MEG3: variants seen among roughly 807,000 people sequenced by gnomAD.
The protein encoded by MEG3 is maternally expressed 3.
intron 1 of MEG3, among the ~76,000 whole-genome samples, chr14:100,826,637 C>T (rs1488382786): frequency 6.6e-6 from 1 of 152,146 alleles, no homozygotes; most frequent in Non-Finnish European, 1.5e-5. Context: ...CTGCGTGCCC[C>T]ATGAATTAGG....
downstream of MEG3, chr14:100,830,517 C>T (rs1021404414): frequency 3.9e-5 from 6 of 152,174 alleles, no homozygotes; most frequent in African/African-American, 9.7e-5. Context: ...GCTCACATGT[C>T]CAGCCCAATT....
At chr14:100,829,063 C>T (rs11540028) in exon 3 of MEG3, 1 of 152,182 alleles carries the variant, frequency 6.6e-6, no homozygotes, top group African/African-American at 2.4e-5. Flanking sequence ...TTCCTGGATC[C>T]CACCAACATA....
rs2037889889 is a variant in MEG3, at chr14:100,845,418, GT to G, written n.3046-39del. ...GCCCTCCTCCTCCTCGCCGGCCTGAGTGAGGTTCTACTCTGTGACCTAGTGC... is the reference window on the plus strand; with the variant it reads ...GCCCTCCTCCTCCTCGCCGGCCTGAGGAGGTTCTACTCTGTGACCTAGTGC... On this transcript the variant is annotated intron_variant and non_coding_transcript_variant, in intron 2 of 3. Coordinates refer to the MEG3 transcript ENST00000398461. The surrounding 1 kb of genome is among the most constrained non-coding windows in gnomAD (Gnocchi z 5.2). 6.6e-6 allele frequency: 3 copies of G among 452,614 alleles called. No individual in the cohort carries two copies. Among genetic ancestry groups the G allele is most frequent in the African/African-American group, 6.0e-5 (3 of 49,900 alleles). 28.0% of individuals were successfully genotyped at this position (452,614 alleles called of 1,614,324 possible). A position where few individuals can be genotyped will look rare whatever the true frequency, so the allele number is the denominator to read the frequency against.
chr14:100,852,503 C>A, upstream of MEG3: 1 of 502,196 alleles, frequency 2.0e-6, no homozygotes, highest in South Asian at 1.5e-5. Context: ...CTTTCAGAAT[C>A]TGGGGCTCCA....
At chr14:100,839,610 C>T (rs1033099498) in intron 2 of MEG3, among the ~76,000 whole-genome samples, 12 of 152,146 alleles carry the variant, frequency 7.9e-5, no homozygotes, top group Admixed American at 3.3e-4. Context: ...AAAGGGGAGC[C>T]ACAGAACAGG....
downstream of MEG3, chr14:100,832,440 C>A (rs1177251798): frequency 1.3e-5 from 2 of 152,446 alleles, no homozygotes; most frequent in Non-Finnish European, 2.9e-5. Flanking sequence ...AAAAGGGCCT[C>A]CCCTCCCCCT....
downstream of MEG3, chr14:100,830,385 C>CACACA (rs72228212): frequency 0.24 from 33,655 of 139,010 alleles, 4,283 homozygotes; most frequent in East Asian, 0.38. Flanking sequence ...ACACACACAC[C>CACACA]CCCTCGTGTA....
downstream of MEG3, chr14:100,833,800 C>T (rs2139948543): frequency 6.6e-6 from 1 of 152,204 alleles, no homozygotes; most frequent in African/African-American, 2.4e-5. Context: ...GTCAGACCTT[C>T]AGCCAAATGG....
At chr14:100,849,600 A>T (rs1207868374) in intron 3 of MEG3, 1 of 152,206 alleles carries the variant, frequency 6.6e-6, no homozygotes, top group Admixed American at 6.5e-5. Context: ...CAAAAATGAA[A>T]CTAAATGAAA....
rs1488076670 is a variant in MEG3, at chr14:100,845,618, C to T, written n.3121+85C>T. On this transcript the variant is annotated intron_variant and non_coding_transcript_variant, in intron 3 of 3. Coordinates refer to the MEG3 transcript ENST00000398461. This position sits in a 1 kb window ranked among gnomAD's most constrained non-coding sequence, Gnocchi z 5.2. ...TGCCCGGAGCACACCGCCAGGCGGA[C>T]CTCGTGGAGGGGCTGGCGGGCACTG... is the stretch of plus-strand genomic sequence containing the variant. The T allele has an allele frequency of 4.9e-6, 2 of 410,272 alleles. No individual in the cohort carries two copies. Among genetic ancestry groups the T allele is most frequent in the Non-Finnish European group, 9.9e-6 (2 of 202,270 alleles). 25.4% of individuals were successfully genotyped at this position (410,272 alleles called of 1,614,324 possible).
upstream of MEG3, chr14:100,853,373 C>A (rs1274824650): frequency 6.6e-6 from 1 of 152,206 alleles, no homozygotes. Context: ...GGCCACGAAT[C>A]CTGCTGTGTC....
At chr14:100,836,086 G>GC in intron 1 of MEG3, 1 of 393,216 alleles carries the variant, frequency 2.5e-6, no homozygotes, top group Non-Finnish European at 5.0e-6. Context: ...GTGAGGCCGT[G>GC]CCCCGAGTCT....
At chr14:100,827,583 C>T (rs186752704) in intron 1 of MEG3, 26 of 152,540 alleles carry the variant, frequency 1.7e-4, no homozygotes, top group African/African-American at 6.3e-4. Context: ...GAAGGTGTGG[C>T]TCATTTGAGC....
exon 1 of MEG3, chr14:100,860,321 G>A: frequency 3.9e-6 from 1 of 254,346 alleles, no homozygotes; most frequent in Non-Finnish European, 7.8e-6. Flanking sequence ...AAGCTGGATA[G>A]GTTGGGCAGA....
intron 2 of MEG3, among the ~76,000 whole-genome samples, chr14:100,840,052 G>A (rs925221858): frequency 7.9e-5 from 12 of 152,330 alleles, no homozygotes; most frequent in Admixed American, 5.9e-4. Flanking sequence ...TGGGCGGCCC[G>A]TGTACAGAGC....
At chr14:100,830,303 C>G (rs1423244675), downstream of MEG3, 2 of 151,540 alleles carry the variant, frequency 1.3e-5, no homozygotes, top group Non-Finnish European at 1.5e-5. Context: ...CGCTTAACTA[C>G]TCTAAGTTTC....
At position 100,845,771 on chromosome 14, in the gene MEG3, T is replaced by G; in HGVS notation, n.3121+238T>G. 4.5e-6 allele frequency: 1 copy of G among 222,100 alleles called. No homozygotes were observed. Among genetic ancestry groups the G allele is most frequent in the South Asian group, 5.1e-5 (1 of 19,650 alleles). The allele number at this position is 222,100 out of a possible 1,614,324, so 13.8% of individuals were successfully genotyped here. On this transcript the variant is annotated intron_variant and non_coding_transcript_variant, in intron 3 of 3. Coordinates refer to the MEG3 transcript ENST00000398461. The surrounding 1 kb of genome is among the most constrained non-coding windows in gnomAD (Gnocchi z 5.2). Reference sequence around the variant, plus strand: ...TTGTCTCTGTGGCAAAAGAATTCTATAGGCGGGCTTCAAATGTCGGACCCC... The same window carrying G: ...TTGTCTCTGTGGCAAAAGAATTCTAGAGGCGGGCTTCAAATGTCGGACCCC...
At chr14:100,853,235 C>G (rs947872443), upstream of MEG3, 2 of 152,154 alleles carry the variant, frequency 1.3e-5, no homozygotes, top group African/African-American at 4.8e-5. Context: ...TTGACATTGT[C>G]ATTTGCATGC....
chr14:100,857,334 C>T (rs552255430), exon 1 of MEG3: 2 of 152,324 alleles, frequency 1.3e-5, no homozygotes, highest in East Asian at 1.9e-4. Flanking sequence ...CTCCTTTTCT[C>T]TAAGCCATAG....
Sources: gnomAD v4.1 joint callset for allele counts (sites outside exome capture counted in the v4.1 genomes callset) on GRCh38, gnomAD v4.1.1 for gene constraint, Gnocchi (gnomAD v3.1) non-coding constraint, MANE v1.5 for transcripts, NCBI Gene and HGNC (gene_info 2026-07-23, HGNC 2026-07-21) for gene names.